PDZD2: variants seen among roughly 807,000 people sequenced by gnomAD.
The protein encoded by PDZD2 is PDZ domain-containing protein 2.
A neutral mutation model predicts 220.7 loss-of-function variants in PDZD2; 90 were observed. The ratio of observed to expected loss-of-function variants is 0.41; its 90% CI spans 0.34 to 0.49. The LOEUF is 0.49. PDZD2 is among the 20% of genes least tolerant of loss of function. The probability of loss-of-function intolerance (pLI) is 0.28; values close to 1 mark genes in which losing one functional copy is unlikely to be tolerated. For synonymous variants in PDZD2, 1,375 were observed against 1,450.5 expected, an observed-to-expected ratio of 0.95 and a Z score of 1.18; for missense variants, 3,174 against 3,608.5, an observed-to-expected ratio of 0.88 and a Z score of 3.08.
chr5:31,855,496 G>C lies in PDZD2; in HGVS notation c.476+55772G>C, dbSNP rs567938261. Among the ~76,000 whole-genome samples, 15 of 152,352 alleles carry C rather than the reference G, an allele frequency of 9.8e-5. No homozygotes were observed. The East Asian group carries it at 2.9e-3, about 29-fold the overall frequency. ...TGCCCAGAGGGGACAGGTAATAGGGGGTTCCGGAGCCACGGCGGTTTCAGA... is the reference window on the plus strand; with the variant it reads ...TGCCCAGAGGGGACAGGTAATAGGGCGTTCCGGAGCCACGGCGGTTTCAGA... On this transcript the variant is annotated intron_variant, in intron 2 of 24. Transcript: ENST00000438447.
intron 3 of PDZD2, 147 bp from the exon 4 acceptor site, chr5:31,995,429 A>G (rs1444439495): frequency 5.0e-6 from 4 of 796,424 alleles, no homozygotes; most frequent in African/African-American, 1.7e-5. Flanking sequence ...CTTGGGTCCA[A>G]TCGGCAGAAT....
chr5:31,950,371 G>A (rs1747076889), intron 2 of PDZD2, among the ~76,000 whole-genome samples: 1 of 152,160 alleles, frequency 6.6e-6, no homozygotes, highest in East Asian at 1.9e-4. Context: ...AATGAGGAAG[G>A]CTGGATTTTA....
intron 6 of PDZD2, among the ~76,000 whole-genome samples, chr5:32,034,537 T>A (rs1297324297): frequency 6.6e-6 from 1 of 151,898 alleles, no homozygotes; most frequent in Non-Finnish European, 1.5e-5. Context: ...ATTTTTGTAT[T>A]CTTTGTAGAA....
chr5:31,836,228 C>CTTTTTTTT lies in PDZD2; in HGVS notation c.476+36513_476+36520dup, dbSNP rs34323361. Reference sequence around the variant, plus strand: ...TATAAACCAATAGTAATTTTATTGGCTTTTTTTTTTTTTTTTGAGACAGAG... The same window carrying CTTTTTTTT: ...TATAAACCAATAGTAATTTTATTGGCTTTTTTTTTTTTTTTTTTTTTTTTGAGACAGAG... On this transcript the variant is annotated intron_variant, in intron 2 of 24. Transcript: ENST00000438447. Among the ~76,000 whole-genome samples the CTTTTTTTT allele has an allele frequency of 6.5e-5, 8 of 122,172 alleles. 1 individual carries two copies. Among genetic ancestry groups the CTTTTTTTT allele is most frequent in the Admixed American group, 9.3e-5 (1 of 10,702 alleles). 80.1% of individuals were successfully genotyped at this position (122,172 alleles called of 152,430 possible).
chr5:31,935,137 G>A (rs1232752314), intron 2 of PDZD2, among the ~76,000 whole-genome samples: 1 of 151,898 alleles, frequency 6.6e-6, no homozygotes, highest in African/African-American at 2.4e-5. Flanking sequence ...GTAAACAGAG[G>A]ATGTTTGCTC....
chr5:31,883,023 CAAAAAAAAA>C (rs781370177), intron 2 of PDZD2, among the ~76,000 whole-genome samples: 1 of 47,960 alleles, frequency 2.1e-5, no homozygotes, highest in Non-Finnish European at 3.6e-5. Context: ...GACTCTGTCT[CAAAAAAAAA>C]AAAAAAAAAA....
At chr5:32,022,839 C>G (rs1445665894) in intron 6 of PDZD2, among the ~76,000 whole-genome samples, 1 of 152,198 alleles carries the variant, frequency 6.6e-6, no homozygotes, top group East Asian at 1.9e-4. Context: ...AAGTGACTCA[C>G]TGATGGCTTT....
At position 32,088,057 on chromosome 5, in the gene PDZD2, C is replaced by T; in HGVS notation, c.4609C>T (p.Leu1537=). The T allele has an allele frequency of 1.2e-6, 2 of 1,614,078 alleles. No homozygotes were observed. Among genetic ancestry groups the T allele is most frequent in the Non-Finnish European group, 1.7e-6 (2 of 1,179,916 alleles). The part of the protein sequence containing the change: ...FSSFHEDSTS[L]SGLGDSTEPS... The stretch of plus-strand genomic sequence containing the variant: ...CAGTTTTCATGAAGACAGCACCTCC[C>T]TATCAGGCCTGGGTGACAGCACGGA... Residue 1537 remains leucine, a synonymous_variant, in exon 20 of 25, where the codon CTA becomes TTA. Coordinates refer to ENST00000438447, the MANE Select transcript of PDZD2 (RefSeq NM_178140.4). The surrounding 1 kb of genome is among the most constrained non-coding windows in gnomAD (Gnocchi z 4.6).
At chr5:31,734,568 C>G (rs1388773663) in intron 1 of PDZD2, among the ~76,000 whole-genome samples, 1 of 152,164 alleles carries the variant, frequency 6.6e-6, no homozygotes, top group African/African-American at 2.4e-5. Flanking sequence ...ATCCACCCAC[C>G]TCAGCCTCCC....
intron 1 of PDZD2, among the ~76,000 whole-genome samples, chr5:31,682,671 CTGTGTGTGTGTGTGTGTGTGTGTGTGTG>C (rs70955735): frequency 3.4e-5 from 5 of 146,238 alleles, no homozygotes; most frequent in East Asian, 2.0e-4. Flanking sequence ...AGTCTTTCGG[CTGTGTGTGTGTGTGTGTGTGTGTGTGTG>C]TGTGTGTGTG....
At chr5:31,865,720 G>A (rs1441005228) in intron 2 of PDZD2, among the ~76,000 whole-genome samples, 3 of 128,520 alleles carry the variant, frequency 2.3e-5, no homozygotes, top group Admixed American at 9.3e-5. Flanking sequence ...TGCAAGCTCC[G>A]CCTCCCGGGT....
At position 32,108,293 on chromosome 5, in the gene PDZD2, T is replaced by G. The variant is rs1561624788; in HGVS notation, c.*158T>G. On this transcript the variant is annotated 3_prime_UTR_variant, in exon 25 of 25. Transcript: ENST00000438447. ...ACACATGAAGCCTGACTTAACTGTA[T>G]GTGCAACAGCAATGAAATTAACTCC... The G allele has an allele frequency of 2.0e-6, 1 of 493,934 alleles. No homozygotes were observed. Among genetic ancestry groups the G allele is most frequent in the Non-Finnish European group, 3.5e-6 (1 of 284,498 alleles). 30.6% of individuals were successfully genotyped at this position (493,934 alleles called of 1,614,324 possible).
At chr5:31,899,503 C>T (rs1047553210) in intron 2 of PDZD2, among the ~76,000 whole-genome samples, 1 of 152,196 alleles carries the variant, frequency 6.6e-6, no homozygotes, top group African/African-American at 2.4e-5. Context: ...TTCCTGCTGA[C>T]AGCACAGTCT....
chr5:31,658,862 G>T (rs1035593829), intron 1 of PDZD2, among the ~76,000 whole-genome samples: 2 of 151,814 alleles, frequency 1.3e-5, no homozygotes, highest in Non-Finnish European at 2.9e-5. Flanking sequence ...CTCGTGATCC[G>T]CCCGCCTCAT....
In PDZD2 at chr5:31,906,176, C is replaced by T. The variant is rs530485810; in HGVS notation, c.477-76979C>T. 2.1e-4 allele frequency among the ~76,000 whole-genome samples: 29 copies of T among 141,132 alleles called. 3 individuals carry two copies. The East Asian group carries it at 4.2e-3, about 20-fold the overall frequency. 92.6% of individuals were successfully genotyped at this position (141,132 alleles called of 152,430 possible). A position where few individuals can be genotyped will look rare whatever the true frequency, so the allele number is the denominator to read the frequency against. ...AGCTGGGACTACAGGTGCGTGCCACCACACCTGGCCTGAAATTGAAGTAAT... is the reference window on the plus strand; with the variant it reads ...AGCTGGGACTACAGGTGCGTGCCACTACACCTGGCCTGAAATTGAAGTAAT... On this transcript the variant is annotated intron_variant, in intron 2 of 24. Transcript: ENST00000438447.
chr5:32,098,618 C>T lies in PDZD2; in HGVS notation c.8202C>T (p.Pro2734=), dbSNP rs1367653596. The T allele has an allele frequency of 2.5e-6, 4 of 1,613,386 alleles. No homozygotes were observed. The South Asian group carries it at 3.3e-5, about 13-fold the overall frequency. Residue 2734 remains proline (P), a synonymous_variant, in exon 23 of 25, where the codon CCC becomes CCT. Transcript: ENST00000438447. This position sits in a 1 kb window ranked among gnomAD's most constrained non-coding sequence, Gnocchi z 4.1. ...GTTTGCTGTCCAGAAAGACCATCCC[C>T]CTGGAGCCTGGCATTGGTAAGATGA... ...GKGLLSRKTI[P]LEPGIGRSVA... is the part of the protein sequence containing the mutation.
chr5:32,053,720 A>G (rs1581384728), intron 9 of PDZD2, 49 bp from the exon 10 acceptor site: 1 of 998,410 alleles, frequency 1.0e-6, no homozygotes, highest in East Asian at 2.4e-5. Context: ...AGATGCCCTC[A>G]GTTAAATACC....
At chr5:31,850,971 C>T (rs1758026631) in intron 2 of PDZD2, among the ~76,000 whole-genome samples, 1 of 152,092 alleles carries the variant, frequency 6.6e-6, no homozygotes, top group Admixed American at 6.6e-5. Flanking sequence ...AGTCTCTTAC[C>T]TCTTATGTCC....
chr5:32,056,517 G>T (rs1739095519), intron 10 of PDZD2, among the ~76,000 whole-genome samples: 2 of 152,150 alleles, frequency 1.3e-5, no homozygotes, highest in South Asian at 4.1e-4. Flanking sequence ...AAAAAAGCAG[G>T]CCATGTCACA....
Sources: allele counts gnomAD v4.1 joint callset (sites outside exome capture counted in the v4.1 genomes callset), GRCh38; gene constraint gnomAD v4.1.1; non-coding constraint Gnocchi (gnomAD v3.1); transcripts MANE v1.5; gene names NCBI Gene and HGNC (gene_info 2026-07-23, HGNC 2026-07-21).